MSH6: variants seen among roughly 807,000 people sequenced by gnomAD.
The protein encoded by MSH6 is DNA mismatch repair protein Msh6.
Under a neutral mutation model 119.1 loss-of-function variants are expected in MSH6, and 85 were observed. That is an observed-to-expected ratio of 0.71 (90% CI 0.60 to 0.85). MSH6 has a LOEUF of 0.85. Ranked by LOEUF, MSH6 falls within the 40% of genes least tolerant of loss-of-function variation. The pLI, the probability that MSH6 is intolerant of heterozygous loss-of-function variation, is 0.00. For missense variants in MSH6, 2,163 were observed against 1,655.3 expected, an observed-to-expected ratio of 1.31 and a Z score of -5.32; for synonymous variants, 830 against 586.9, an observed-to-expected ratio of 1.41 and a Z score of -5.99.
In MSH6 at chr2:47,801,037, C is replaced by T. The variant is rs772191770; in HGVS notation, c.3054C>T (p.Leu1018=). The part of the protein sequence containing the change: ...TKTIEKKLAN[L]INAEERRDVS... ...CTATTGAAAAGAAGTTGGCTAATCT[C>T]ATAAATGCTGAAGAACGGAGGGATG... The change falls in exon 4 of 10, where the codon CTC becomes CTT. Residue 1018 remains leucine, a synonymous_variant. Coordinates refer to ENST00000234420, the MANE Select transcript of MSH6 (RefSeq NM_000179.3). The T allele has an allele frequency of 6.3e-7, 1 of 1,591,128 alleles. No homozygotes were observed.
downstream of MSH6, chr2:47,808,678 T>A: frequency 2.6e-6 from 1 of 388,474 alleles, no homozygotes; most frequent in Non-Finnish European, 4.6e-6. Flanking sequence ...TAAAAGCCTC[T>A]CAAATGTTTC....
intron 3 of MSH6, among the ~76,000 whole-genome samples, chr2:47,797,456 G>A (rs1669168689): frequency 6.6e-6 from 1 of 152,214 alleles, no homozygotes; most frequent in Non-Finnish European, 1.5e-5. Flanking sequence ...CGGGAGATCC[G>A]TGATATGTGA....
chr2:47,784,299 G>C (rs996129069), intron 1 of MSH6: 12 of 925,190 alleles, frequency 1.3e-5, no homozygotes, highest in African/African-American at 7.1e-5. Flanking sequence ...GTGGAAATTC[G>C]TGTCGAGTGG....
At chr2:47,793,327 A>ATC (rs1316364138) in intron 2 of MSH6, among the ~76,000 whole-genome samples, 2 of 129,588 alleles carry the variant, frequency 1.5e-5, no homozygotes, top group African/African-American at 2.8e-5. Context: ...TCAAAAAAAA[A>ATC]AAAAAAAAAA....
intron 1 of MSH6, 27 bp downstream of exon 1, chr2:47,783,520 G>A: frequency 7.1e-7 from 1 of 1,413,316 alleles, no homozygotes; most frequent in Non-Finnish European, 9.2e-7. Context: ...GGGGTCGAAG[G>A]CGGGGGCATA....
rs570158482 is a variant in MSH6, at chr2:47,806,053, C to T, written c.3647-151C>T. The T allele has an allele frequency of 1.8e-3, 1,400 of 782,012 alleles. 20 individuals are homozygous for T. Among genetic ancestry groups the T allele is most frequent in the South Asian group, 0.013 (861 of 64,236 alleles). 48.4% of individuals were successfully genotyped at this position (782,012 alleles called of 1,614,324 possible). A position where few individuals can be genotyped will look rare whatever the true frequency, so the allele number is the denominator to read the frequency against. On this transcript the variant is annotated intron_variant, in intron 7 of 9. Coordinates refer to ENST00000234420, the MANE Select transcript of MSH6 (RefSeq NM_000179.3). ...CACTCCCCATGGGCTGCTAAGCAGA[C>T]TCGTGTAGCTAAACAAGGCCTATTT...
Position 47,800,735 on chromosome 2 carries a change from C to T in MSH6, c.2752C>T (p.His918Tyr), listed in dbSNP as rs1558666591. 1 of 1,614,054 alleles carries T rather than the reference C, an allele frequency of 6.2e-7. No individual in the cohort carries two copies. Among genetic ancestry groups the T allele is most frequent in the Non-Finnish European group, 8.5e-7 (1 of 1,179,986 alleles). ...ELNRWDTAFD[H>Y]EKARKTGLIT... ...GAACCGATGGGATACAGCCTTTGACCATGAAAAGGCTCGAAAGACTGGACT... is the reference window on the plus strand; with the variant it reads ...GAACCGATGGGATACAGCCTTTGACTATGAAAAGGCTCGAAAGACTGGACT... Residue 918 changes from histidine to tyrosine, a missense_variant, in exon 4 of 10, where the codon CAT becomes TAT. Coordinates refer to ENST00000234420, the MANE Select transcript of MSH6 (RefSeq NM_000179.3).
chr2:47,795,792 A>C (rs1356294199), intron 2 of MSH6, 102 bp from the exon 3 acceptor site: 1 of 957,088 alleles, frequency 1.0e-6, no homozygotes, highest in Admixed American at 2.0e-5. Context: ...TAAGATAGAG[A>C]TGGGGTTTGC....
intron 5 of MSH6, 146 bp from the exon 6 acceptor site, chr2:47,804,764 T>C (rs1669852217): frequency 2.8e-6 from 2 of 714,674 alleles, no homozygotes; most frequent in Non-Finnish European, 5.1e-6. Flanking sequence ...TGTTAGCAAA[T>C]GGATTTCAGA....
In MSH6 at chr2:47,806,642, G is replaced by A. The variant is rs184131049; in HGVS notation, c.3992G>A (p.Arg1331Gln). 10 of 1,609,134 alleles carry A rather than the reference G, an allele frequency of 6.2e-6. No individual in the cohort carries two copies. The highest frequency in any genetic ancestry group is 2.7e-5 in the African/African-American group (2 of 74,678). The change falls in exon 9 of 10, where the codon CGA becomes CAA. Residue 1331 changes from arginine to glutamine, a missense_variant. By Grantham distance (43) the Arg-to-Gln change is conservative (BLOSUM62 1). Coordinates refer to ENST00000234420, the MANE Select transcript of MSH6 (RefSeq NM_000179.3). ...REFEKMNQSL[R>Q]LFREVCLASE... ...TTTGAGAAGATGAATCAGTCACTACGATTATTTCGGTAACTAACTAACTAT... is the reference window on the plus strand; with the variant it reads ...TTTGAGAAGATGAATCAGTCACTACAATTATTTCGGTAACTAACTAACTAT...
At position 47,800,250 on chromosome 2, in the gene MSH6, G is replaced by A. The variant is rs1380006437; in HGVS notation, c.2267G>A (p.Gly756Glu). 2 of 1,614,130 alleles carry A rather than the reference G, an allele frequency of 1.2e-6. No individual in the cohort carries two copies. The highest frequency in any genetic ancestry group is 2.2e-5 in the South Asian group (2 of 91,078). The change falls in exon 4 of 10, where the codon GGA becomes GAA. Residue 756 changes from glycine to glutamate, a missense_variant. By Grantham distance (98) the Gly-to-Glu change is moderately conservative. Transcript: ENST00000234420. Reference sequence around the variant, plus strand: ...AATGGAACAAATGGTTCTACTGAAGGAACCCTACTAGAGAGGGTTGATACT... The same window carrying A: ...AATGGAACAAATGGTTCTACTGAAGAAACCCTACTAGAGAGGGTTGATACT... ...FLNGTNGSTEGTLLERVDTCH... is the reference protein window; with the variant it reads ...FLNGTNGSTEETLLERVDTCH...
chr2:47,804,459 G>C (rs1669823655), intron 5 of MSH6, among the ~76,000 whole-genome samples: 1 of 152,062 alleles, frequency 6.6e-6, no homozygotes. Context: ...TTGCTAGAGA[G>C]AGGCAGTATA....
At chr2:47,807,995 T>TTG, downstream of MSH6, 2 of 867,386 alleles carry the variant, frequency 2.3e-6, no homozygotes, top group South Asian at 3.4e-5. Context: ...TCAACTGACC[T>TTG]TGTGTATCCA....
chr2:47,794,087 T>C (rs1668924285), intron 2 of MSH6, among the ~76,000 whole-genome samples: 1 of 149,206 alleles, frequency 6.7e-6, no homozygotes, highest in South Asian at 2.3e-4. Flanking sequence ...ACGCCTGTAA[T>C]CCCAGCACTT....
rs1553332217 is a variant in MSH6, at chr2:47,804,970, C to A, written c.3499C>A (p.Leu1167Ile). ...TTACGTCCCTGCTGAAGTGTGCAGG[C>A]TCACACCAATTGATAGAGTGTTTAC... is the stretch of plus-strand genomic sequence containing the variant. ...GCYVPAEVCR[L>I]TPIDRVFTRL... The change falls in exon 6 of 10, where the codon CTC (leucine) becomes ATC (isoleucine). Residue 1167 changes from leucine to isoleucine, a missense_variant. Physicochemically the swap from Leu to Ile is conservative, Grantham distance 5. Coordinates refer to ENST00000234420, the MANE Select transcript of MSH6 (RefSeq NM_000179.3). The A allele has an allele frequency of 6.2e-7, 1 of 1,614,018 alleles. No individual in the cohort carries two copies. Among genetic ancestry groups the A allele is most frequent in the Admixed American group, 1.7e-5 (1 of 59,988 alleles).
Position 47,799,162 on chromosome 2 carries a change from A to T in MSH6, c.1179A>T (p.Ala393=), listed in dbSNP as rs144961390. Residue 393 remains alanine (A), a synonymous_variant, in exon 4 of 10, where the codon GCA becomes GCT. Transcript: ENST00000234420. ...GGCCTGATCACCCCGATTTTGATGC[A>T]TCTACACTCTATGTGCCTGAGGATT... ...RRRPDHPDFD[A]STLYVPEDFL... 6.2e-7 allele frequency: 1 copy of T among 1,614,028 alleles called. No individual in the cohort carries two copies. Among genetic ancestry groups the T allele is most frequent in the African/African-American group, 1.3e-5 (1 of 74,910 alleles).
chr2:47,808,491 GT>G (rs1375397002), downstream of MSH6: 208 of 1,391,592 alleles, frequency 1.5e-4, no homozygotes, highest in Non-Finnish European at 2.0e-4. Flanking sequence ...ATTCCATTCT[GT>G]TTATATATTA....
Position 47,783,571 on chromosome 2 carries a change from AG to A in MSH6, c.260+83del, listed in dbSNP as rs1051948373. 10 of 1,025,192 alleles carry A rather than the reference AG, an allele frequency of 9.8e-6. No homozygotes were observed. The African/African-American group carries it at 1.4e-4, about 14-fold the overall frequency. The allele number at this position is 1,025,192 out of a possible 1,614,324, so 63.5% of individuals were successfully genotyped here. On this transcript the variant is annotated intron_variant, in intron 1 of 9. Transcript: ENST00000234420. ...GAACCCGGCGAGGGGAGGCTCGCAC[AG>A]GGGGTTGGGGGGGTGCACGGCCTGG...
At position 47,805,657 on chromosome 2, in the gene MSH6, G is replaced by T. The variant is rs773185557; in HGVS notation, c.3596G>T (p.Ser1199Ile). 6.2e-7 allele frequency: 1 copy of T among 1,613,212 alleles called. No homozygotes were observed. Among genetic ancestry groups the T allele is most frequent in the Admixed American group, 1.7e-5 (1 of 59,938 alleles). The change falls in exon 7 of 10, where the codon AGC becomes ATC. Residue 1199 changes from serine (S) to isoleucine (I), a missense_variant. By Grantham distance (142) the Ser-to-Ile change is moderately radical. Coordinates refer to ENST00000234420, the MANE Select transcript of MSH6 (RefSeq NM_000179.3). Reference protein sequence around the residue: ...TFFVELSETASILMHATAHSL... With the variant: ...TFFVELSETAIILMHATAHSL... ...TTTGTTGAATTAAGTGAAACTGCCA[G>T]CATACTCATGCATGCAACAGCACAT...
Sources: gnomAD v4.1 joint callset for allele counts (sites outside exome capture counted in the v4.1 genomes callset) on GRCh38, gnomAD v4.1.1 for gene constraint, MANE v1.5 for transcripts, NCBI Gene and HGNC (gene_info 2026-07-23, HGNC 2026-07-21) for gene names.